ELAVL4: variants seen among roughly 807,000 people sequenced by gnomAD.
The protein encoded by ELAVL4 is ELAV-like protein 4.
ELAVL4 carries 1 observed loss-of-function variant against 35.6 expected under a neutral mutation model. The observed-to-expected ratio is 0.03, with a 90% CI of 0.01 to 0.13. The LOEUF (loss-of-function observed/expected upper bound fraction) is 0.13, where lower values mean the gene tolerates loss of function less well. ELAVL4 is among the 10% of genes least tolerant of loss of function. ELAVL4 has a pLI of 1.00. For missense variants in ELAVL4, 267 were observed against 464.9 expected, an observed-to-expected ratio of 0.57 and a Z score of 3.91; for synonymous variants, 156 against 171.0, an observed-to-expected ratio of 0.91 and a Z score of 0.69.
intron 1 of ELAVL4, among the ~76,000 whole-genome samples, chr1:50,050,318 G>A (rs1164909173): frequency 1.3e-5 from 2 of 152,188 alleles, no homozygotes; most frequent in Non-Finnish European, 2.9e-5. Context: ...TTGTAGTTGG[G>A]GAGGGAGATT....
At chr1:50,148,773 C>T (rs1244265462) in intron 2 of ELAVL4, among the ~76,000 whole-genome samples, 1 of 152,190 alleles carries the variant, frequency 6.6e-6, no homozygotes, top group Non-Finnish European at 1.5e-5. Context: ...AGGCAAAGAA[C>T]ACCAAATACC....
intron 1 of ELAVL4, among the ~76,000 whole-genome samples, chr1:50,084,458 T>A (rs1220012961): frequency 6.6e-6 from 1 of 152,166 alleles, no homozygotes; most frequent in Non-Finnish European, 1.5e-5. Flanking sequence ...TTATGCATAT[T>A]TTTTCATGGC....
intron 2 of ELAVL4, among the ~76,000 whole-genome samples, chr1:50,173,640 C>G (rs1163775989): frequency 6.6e-6 from 1 of 152,144 alleles, no homozygotes; most frequent in African/African-American, 2.4e-5. Flanking sequence ...TTTCATATCT[C>G]ATTTTTTAAT....
chr1:50,196,140 T>C (rs1004518500), intron 5 of ELAVL4, among the ~76,000 whole-genome samples: 3 of 152,246 alleles, frequency 2.0e-5, no homozygotes, highest in Non-Finnish European at 2.9e-5. Context: ...ACAGTGGCTT[T>C]TAATAAATTC....
At chr1:50,145,276 C>A in intron 2 of ELAVL4, 79 bp downstream of exon 2, 2 of 1,584,686 alleles carry the variant, frequency 1.3e-6, no homozygotes, top group Non-Finnish European at 1.7e-6. Flanking sequence ...GATGGTGCAC[C>A]TGAATGTCTA....
At chr1:50,171,292 G>A (rs535948790) in intron 2 of ELAVL4, among the ~76,000 whole-genome samples, 1 of 152,176 alleles carries the variant, frequency 6.6e-6, no homozygotes, top group Non-Finnish European at 1.5e-5. Context: ...GTAACTGCCT[G>A]ATGCCAGACA....
chr1:50,190,781 C>T (rs1010472303), intron 3 of ELAVL4, among the ~76,000 whole-genome samples: 9 of 152,210 alleles, frequency 5.9e-5, no homozygotes, highest in African/African-American at 1.9e-4. Flanking sequence ...CTAGCTCTGG[C>T]TGTGCAGAAC....
chr1:50,168,348 A>G (rs1181717354), intron 2 of ELAVL4, among the ~76,000 whole-genome samples: 2 of 151,964 alleles, frequency 1.3e-5, no homozygotes, highest in African/African-American at 4.8e-5. Context: ...TTTCCAATCA[A>G]TGCCCTCACT....
At chr1:50,200,572 G>C (rs995174476) in intron 6 of ELAVL4, among the ~76,000 whole-genome samples, 1 of 152,174 alleles carries the variant, frequency 6.6e-6, no homozygotes, top group Non-Finnish European at 1.5e-5. Flanking sequence ...TGATAGAACT[G>C]TTACAGAGCC....
At chr1:50,100,265 G>T (rs1404688090), upstream of ELAVL4, among the ~76,000 whole-genome samples, 1 of 152,126 alleles carries the variant, frequency 6.6e-6, no homozygotes. Flanking sequence ...ATTAATTCTG[G>T]TTCCTTTTAT....
chr1:50,101,464 G>C (rs1351031138), upstream of ELAVL4, among the ~76,000 whole-genome samples: 2 of 152,082 alleles, frequency 1.3e-5, no homozygotes, highest in Non-Finnish European at 2.9e-5. Context: ...ATGTCACAAA[G>C]AAATCTTTTT....
At chr1:50,049,174 C>T (rs918259915) in intron 1 of ELAVL4, among the ~76,000 whole-genome samples, 2 of 152,238 alleles carry the variant, frequency 1.3e-5, no homozygotes, top group African/African-American at 4.8e-5. Flanking sequence ...CAGGGCTCCA[C>T]AACACAGTTT....
At chr1:50,058,105 A>G (rs554149330) in intron 1 of ELAVL4, among the ~76,000 whole-genome samples, 5 of 152,350 alleles carry the variant, frequency 3.3e-5, no homozygotes, top group Admixed American at 6.5e-5. Flanking sequence ...CACGGGGGGA[A>G]GTGATCAGAG....
At chr1:50,082,926 A>C (rs1385331764) in intron 1 of ELAVL4, among the ~76,000 whole-genome samples, 2 of 152,108 alleles carry the variant, frequency 1.3e-5, no homozygotes, top group Non-Finnish European at 2.9e-5. Flanking sequence ...TGTGCCTTGT[A>C]CCCAGTGAAC....
intron 1 of ELAVL4, among the ~76,000 whole-genome samples, chr1:50,133,610 A>AG (rs1671292584): frequency 7.4e-6 from 1 of 135,818 alleles, no homozygotes; most frequent in South Asian, 2.3e-4. Context: ...AAAGAAAGAA[A>AG]GAAAGAAAGA....
chr1:50,076,288 C>T (rs1664759121), intron 1 of ELAVL4, among the ~76,000 whole-genome samples: 1 of 152,080 alleles, frequency 6.6e-6, no homozygotes, highest in South Asian at 2.1e-4. Flanking sequence ...TGGTACTTGA[C>T]CTTGATCCCA....
intron 1 of ELAVL4, among the ~76,000 whole-genome samples, chr1:50,120,203 G>A (rs900481375): frequency 5.9e-5 from 9 of 151,824 alleles, no homozygotes; most frequent in Non-Finnish European, 1.0e-4. Context: ...CAGCAGAGGA[G>A]GTACAATGTA....
chr1:50,167,399 G>A (rs949884659), intron 2 of ELAVL4, among the ~76,000 whole-genome samples: 3 of 152,166 alleles, frequency 2.0e-5, no homozygotes, highest in African/African-American at 4.8e-5. Context: ...TGGTAGTCTC[G>A]GCAGAAGCAT....
At chr1:50,102,681 T>A (rs1477453809), upstream of ELAVL4, among the ~76,000 whole-genome samples, 1 of 152,216 alleles carries the variant, frequency 6.6e-6, no homozygotes, top group Non-Finnish European at 1.5e-5. Flanking sequence ...TTTATAAAAA[T>A]TTATACATAT....
Sources: allele counts gnomAD v4.1 joint callset (sites outside exome capture counted in the v4.1 genomes callset), GRCh38; gene constraint gnomAD v4.1.1; transcripts MANE v1.5; gene names NCBI Gene and HGNC (gene_info 2026-07-23, HGNC 2026-07-21).